Variants in CDV3 observed in about 807,000 individuals in gnomAD.
The protein encoded by CDV3 is protein CDV3 homolog.
Under a neutral mutation model 24.5 loss-of-function variants are expected in CDV3, and 14 were observed. The ratio of observed to expected loss-of-function variants is 0.57; its 90% CI spans 0.38 to 0.89. The LOEUF is 0.89. Ranked by LOEUF, CDV3 falls within the 40% of genes least tolerant of loss-of-function variation. The pLI is 0.00. For missense variants in CDV3, 304 were observed against 310.2 expected, an observed-to-expected ratio of 0.98 and a Z score of 0.15; for synonymous variants, 114 against 114.1, an observed-to-expected ratio of 1.00 and a Z score of 0.00.
chr3:133,587,852 T>TA (rs1274363553), intron 4 of CDV3, 44 bp from the exon 5 acceptor site: 1 of 1,550,188 alleles, frequency 6.5e-7, no homozygotes, highest in East Asian at 2.3e-5. Context: ...TCAAAAACCC[T>TA]AGTGAAGAAG....
Position 133,584,088 on chromosome 3 carries a change from A to C in CDV3, c.404A>C (p.Glu135Ala). 6.2e-7 allele frequency: 1 copy of C among 1,612,620 alleles called. No individual in the cohort carries two copies. Among genetic ancestry groups the C allele is most frequent in the Non-Finnish European group, 8.5e-7 (1 of 1,178,710 alleles). ...EEGGGGGGGM[E>A]KSSGPWNKTA... ...GGTGGAGGTGGTGGTGGAGGTATGGAAAAATCTTCAGGTCCCTGGAATAAA... is the reference window on the plus strand; with the variant it reads ...GGTGGAGGTGGTGGTGGAGGTATGGCAAAATCTTCAGGTCCCTGGAATAAA... Residue 135 changes from glutamate (E) to alanine (A), a missense_variant, in exon 3 of 5, where the codon GAA becomes GCA. Physicochemically the swap from Glu to Ala is moderately radical, Grantham distance 107 (BLOSUM62 -1). This residue lies in a region of CDV3 where 219 missense variants were observed against 203.6 expected (regional missense o/e 1.08). Coordinates refer to ENST00000264993, the MANE Select transcript of CDV3 (RefSeq NM_017548.5).
In CDV3 at chr3:133,576,053, T is replaced by C. The variant is rs74387627; in HGVS notation, c.317+938T>C. Among the ~76,000 whole-genome samples, 224 of 152,374 alleles carry C rather than the reference T, an allele frequency of 1.5e-3. 1 individual carries two copies. Among genetic ancestry groups the C allele is most frequent in the African/African-American group, 5.0e-3 (210 of 41,596 alleles). On this transcript the variant is annotated intron_variant, in intron 2 of 4. Transcript: ENST00000264993. ...ATACTTTCCTTAACTGAAAACTGTC[T>C]TTTGACTTCTCTGGATGTTAGTATC... is the stretch of plus-strand genomic sequence containing the variant.
In CDV3 at chr3:133,573,987, G is replaced by T; in HGVS notation, c.-58G>T. 9.9e-7 allele frequency: 1 copy of T among 1,012,706 alleles called. No homozygotes were observed. The highest frequency in any genetic ancestry group is 1.2e-6 in the Non-Finnish European group (1 of 848,758). The allele number at this position is 1,012,706 out of a possible 1,614,324, so 62.7% of individuals were successfully genotyped here. ...AGCCGGCCTCGACCCCGAGCTCGGA[G>T]CCCCGCGGGCCGCGCCCGCCGCCGG... On this transcript the variant is annotated 5_prime_UTR_variant, in exon 1 of 5. Coordinates refer to ENST00000264993, the MANE Select transcript of CDV3 (RefSeq NM_017548.5).
chr3:133,581,154 A>G (rs558900544), intron 2 of CDV3, among the ~76,000 whole-genome samples: 26 of 152,020 alleles, frequency 1.7e-4, no homozygotes, highest in Admixed American at 3.9e-4. Context: ...AGGCAGAGGT[A>G]GGAGGATCAC....
rs1463973963 is a variant in CDV3, at chr3:133,574,216, C to T, written c.172C>T (p.Pro58Ser). 1 of 1,007,518 alleles carries T rather than the reference C, an allele frequency of 9.9e-7. No homozygotes were observed. Among genetic ancestry groups the T allele is most frequent in the Non-Finnish European group, 1.2e-6 (1 of 847,702 alleles). 62.4% of individuals were successfully genotyped at this position (1,007,518 alleles called of 1,614,324 possible). ...AGGGAGAGTR[P>S]GDGGTASAGA... is the part of the protein sequence containing the mutation. Reference sequence around the variant, plus strand: ...CGGCGGGGCGGGCGCGGGGACCCGGCCGGGTGACGGCGGGACCGCCAGCGC... The same window carrying T: ...CGGCGGGGCGGGCGCGGGGACCCGGTCGGGTGACGGCGGGACCGCCAGCGC... The change falls in exon 1 of 5, where the codon CCG becomes TCG. Residue 58 changes from proline (P) to serine (S), a missense_variant. Physicochemically the swap from Pro to Ser is moderately conservative, Grantham distance 74 (BLOSUM62 -1). This residue lies in a region of CDV3 where 219 missense variants were observed against 203.6 expected (regional missense o/e 1.08). Transcript: ENST00000264993.
chr3:133,574,564 A>T (rs1172568032), intron 1 of CDV3: 1 of 986,108 alleles, frequency 1.0e-6, no homozygotes, highest in Non-Finnish European at 1.2e-6. Context: ...CTGGGGCCGC[A>T]GTGCCCAGCA....
intron 2 of CDV3, among the ~76,000 whole-genome samples, chr3:133,583,690 G>A (rs1933295619): frequency 1.3e-5 from 2 of 152,140 alleles, no homozygotes; most frequent in East Asian, 3.9e-4. Flanking sequence ...AGCTTCCCCA[G>A]TAGCTGGCAT....
chr3:133,574,321 C>T (rs2074715395), intron 1 of CDV3, 37 bp downstream of exon 1: 3 of 930,886 alleles, frequency 3.2e-6, no homozygotes, highest in African/African-American at 1.8e-5. Flanking sequence ...GGGCCCGGGC[C>T]GCGCGCCGGC....
chr3:133,576,739 A>G (rs1358040183), intron 2 of CDV3, among the ~76,000 whole-genome samples: 1 of 152,044 alleles, frequency 6.6e-6, no homozygotes, highest in Non-Finnish European at 1.5e-5. Context: ...GAGATAGTGA[A>G]AAGTGTCTTA....
intron 3 of CDV3, among the ~76,000 whole-genome samples, chr3:133,585,223 G>C (rs752528596): frequency 6.6e-6 from 1 of 151,972 alleles, no homozygotes; most frequent in South Asian, 2.1e-4. Context: ...TTTTATTGTA[G>C]AGATGAGATC....
At chr3:133,580,265 CCAG>C (rs1411037916) in intron 2 of CDV3, among the ~76,000 whole-genome samples, 3 of 152,136 alleles carry the variant, frequency 2.0e-5, no homozygotes, top group African/African-American at 7.2e-5. Context: ...ATGATGGTTT[CCAG>C]CTTTATCCAT....
chr3:133,587,205 G>A (rs1395236496), intron 4 of CDV3: 24 of 1,349,624 alleles, frequency 1.8e-5, no homozygotes, highest in Non-Finnish European at 2.2e-5. Flanking sequence ...ACTACATATG[G>A]CACATCTACA....
intron 4 of CDV3, chr3:133,587,079 A>C (rs1323222192): frequency 1.4e-6 from 1 of 706,818 alleles, no homozygotes. Context: ...AGCGCTGTTT[A>C]ATTGTATTCC....
At chr3:133,586,366 G>A (rs1933598343) in intron 3 of CDV3, among the ~76,000 whole-genome samples, 197 bp from the exon 4 acceptor site, 1 of 152,182 alleles carries the variant, frequency 6.6e-6, no homozygotes, top group Non-Finnish European at 1.5e-5. Flanking sequence ...AAAGTGCTGG[G>A]ATTACAGGCG....
In CDV3 at chr3:133,589,408, G is replaced by A. The variant is rs1328319311; in HGVS notation, c.*1362G>A. 1.3e-5 allele frequency: 2 copies of A among 152,620 alleles called. No individual in the cohort carries two copies. The highest frequency in any genetic ancestry group is 2.9e-5 in the Non-Finnish European group (2 of 68,040). 9.5% of individuals were successfully genotyped at this position (152,620 alleles called of 1,614,324 possible). On this transcript the variant is annotated 3_prime_UTR_variant, in exon 5 of 5. Coordinates refer to ENST00000264993, the MANE Select transcript of CDV3 (RefSeq NM_017548.5). Reference sequence around the variant, plus strand: ...TTATTGCTTAAAATACCTATTAATAGTTTTGGGTCATTTAAAGGGACTTGA... The same window carrying A: ...TTATTGCTTAAAATACCTATTAATAATTTTGGGTCATTTAAAGGGACTTGA...
At chr3:133,581,827 T>C (rs944750439) in intron 2 of CDV3, among the ~76,000 whole-genome samples, 1 of 152,246 alleles carries the variant, frequency 6.6e-6, no homozygotes, top group African/African-American at 2.4e-5. Context: ...TTGGTTTATA[T>C]GACATGAATA....
intron 4 of CDV3, chr3:133,587,151 T>TA: frequency 1.6e-6 from 2 of 1,279,640 alleles, no homozygotes; most frequent in Non-Finnish European, 2.1e-6. Flanking sequence ...AAAATAATCT[T>TA]ATTTCAGCAG....
rs772062248 is a variant in CDV3, at chr3:133,588,439, A to T, written c.*393A>T. 3.1e-5 allele frequency: 42 copies of T among 1,362,122 alleles called. No individual in the cohort carries two copies. Among genetic ancestry groups the T allele is most frequent in the Non-Finnish European group, 3.9e-5 (39 of 989,340 alleles). 84.4% of individuals were successfully genotyped at this position (1,362,122 alleles called of 1,614,324 possible). On this transcript the variant is annotated 3_prime_UTR_variant, in exon 5 of 5. Coordinates refer to ENST00000264993, the MANE Select transcript of CDV3 (RefSeq NM_017548.5). ...TGGATCACAACTTCTGGATAAGAAGATTACAACTATTAAGTGTCGATGTGA... is the reference window on the plus strand; with the variant it reads ...TGGATCACAACTTCTGGATAAGAAGTTTACAACTATTAAGTGTCGATGTGA...
chr3:133,588,798 T>G lies in CDV3; in HGVS notation c.*752T>G, dbSNP rs200976911. The G allele has an allele frequency of 3.8e-3, 71 of 18,724 alleles. No homozygotes were observed. Among genetic ancestry groups the G allele is most frequent in the Admixed American group, 2.8e-3 (3 of 1,060 alleles). 1.2% of individuals were successfully genotyped at this position (18,724 alleles called of 1,614,324 possible). A position where few individuals can be genotyped will look rare whatever the true frequency, so the allele number is the denominator to read the frequency against. ...GGAAGGGAGAGAATAATCTTGGGGGTTTTTTTTTTTTGGTAATTTTTTTAT... is the reference window on the plus strand; with the variant it reads ...GGAAGGGAGAGAATAATCTTGGGGGGTTTTTTTTTTTGGTAATTTTTTTAT... On this transcript the variant is annotated 3_prime_UTR_variant, in exon 5 of 5. Coordinates refer to ENST00000264993, the MANE Select transcript of CDV3 (RefSeq NM_017548.5).
Sources: gnomAD v4.1 joint callset for allele counts (sites outside exome capture counted in the v4.1 genomes callset) on GRCh38, gnomAD v4.1.1 for gene constraint, gnomAD v4.1.1 regional missense constraint, MANE v1.5 for transcripts, NCBI Gene and HGNC (gene_info 2026-07-23, HGNC 2026-07-21) for gene names.